Variants in GATA3 observed in about 807,000 individuals in gnomAD.
GATA3 encodes the protein trans-acting T-cell-specific transcription factor GATA-3.
GATA3 carries 6 observed loss-of-function variants against 36.0 expected under a neutral mutation model. The ratio of observed to expected loss-of-function variants is 0.17; its 90% CI spans 0.09 to 0.33. GATA3 has a LOEUF of 0.33. Among genes scored for constraint, GATA3 ranks in the 10% least tolerant of loss-of-function variants. The pLI is 1.00. For missense variants in GATA3, 514 were observed against 610.1 expected (o/e 0.84, Z 1.66); for synonymous variants, 326 against 273.0 (o/e 1.19, Z -1.92).
At chr10:8,059,719 A>AG (rs1832716742) in intron 3 of GATA3, among the ~76,000 whole-genome samples, 1 of 152,268 alleles carries the variant, frequency 6.6e-6, no homozygotes, top group African/African-American at 2.4e-5. Flanking sequence ...ACTTGCATGA[A>AG]GAAAAACCCC....
At chr10:8,052,719 T>A (rs1273228728), upstream of GATA3, 1 of 152,056 alleles carries the variant, frequency 6.6e-6, no homozygotes, top group African/African-American at 2.4e-5. Flanking sequence ...AGGTTTCCGG[T>A]GAATGTTAGA....
chr10:8,054,112 C>G (rs1272339013), upstream of GATA3, among the ~76,000 whole-genome samples: 2 of 152,130 alleles, frequency 1.3e-5, no homozygotes, highest in Non-Finnish European at 2.9e-5. This position sits in a 1 kb window ranked among gnomAD's most constrained non-coding sequence, Gnocchi z 4.2. Context: ...GATGACTCAC[C>G]CTCTTAGGAA....
At position 8,055,742 on chromosome 10, in the gene GATA3, G is replaced by C; in HGVS notation, c.87G>C (p.Pro29=). 7 of 1,577,478 alleles carry C rather than the reference G, an allele frequency of 4.4e-6. No homozygotes were observed. The highest frequency in any genetic ancestry group is 6.0e-6 in the Non-Finnish European group (7 of 1,161,778). Residue 29 remains proline (P), a synonymous_variant, in exon 2 of 6, where the codon CCG becomes CCC. Transcript: ENST00000379328. The surrounding 1 kb of genome is among the most constrained non-coding windows in gnomAD (Gnocchi z 5.4). ...GGCAGCACCCGGACACGCACCACCCGGGCCTCAGCCACTCCTACATGGACG... is the reference window on the plus strand; with the variant it reads ...GGCAGCACCCGGACACGCACCACCCCGGCCTCAGCCACTCCTACATGGACG... ...LNGQHPDTHH[P]GLSHSYMDAA...
rs1290939311 is a variant in GATA3, at chr10:8,074,784, AT to A, written c.*764del. 5 of 233,626 alleles carry A rather than the reference AT, an allele frequency of 2.1e-5. No individual in the cohort carries two copies. Among genetic ancestry groups the A allele is most frequent in the Non-Finnish European group, 4.2e-5 (5 of 118,074 alleles). 14.5% of individuals were successfully genotyped at this position (233,626 alleles called of 1,614,324 possible). On this transcript the variant is annotated 3_prime_UTR_variant, in exon 6 of 6. Transcript: ENST00000379328. ...TTATACAGACCGAACTGTTGTATAAATTTATTTACTGCTAGTCTTAAGAACT... is the reference window on the plus strand; with the variant it reads ...TTATACAGACCGAACTGTTGTATAAATTATTTACTGCTAGTCTTAAGAACT...
upstream of GATA3, among the ~76,000 whole-genome samples, chr10:8,049,917 C>T (rs1832441883): frequency 6.6e-6 from 1 of 152,176 alleles, no homozygotes; most frequent in South Asian, 2.1e-4. Flanking sequence ...CCTCCGGCTT[C>T]TCTCCTTTGA....
At chr10:8,047,911 AT>A (rs199838253) in intron 1 of GATA3, among the ~76,000 whole-genome samples, 10 of 150,264 alleles carry the variant, frequency 6.7e-5, no homozygotes, top group African/African-American at 2.0e-4. Context: ...ACAAACATGG[AT>A]TTTTTTTTTC....
upstream of GATA3, chr10:8,051,010 C>G (rs759983579): frequency 1.2e-5 from 6 of 513,406 alleles, no homozygotes; most frequent in Non-Finnish European, 2.0e-5. Context: ...GGCCCGGCCG[C>G]GAGCATCTCC....
At chr10:8,049,024 C>T (rs1444176992), upstream of GATA3, among the ~76,000 whole-genome samples, 5 of 152,032 alleles carry the variant, frequency 3.3e-5, no homozygotes, top group East Asian at 7.7e-4. Context: ...GCTCGCGGCT[C>T]TCCTGGCCTG....
intron 4 of GATA3, 41 bp from the exon 5 acceptor site, chr10:8,069,432 A>G (rs1832895705): frequency 2.5e-6 from 4 of 1,590,062 alleles, no homozygotes; most frequent in East Asian, 2.2e-5. Context: ...CACATTTAAC[A>G]TTTGTTTTGA....
chr10:8,046,322 A>T (rs72782797), intron 1 of GATA3, among the ~76,000 whole-genome samples: 9,125 of 152,276 alleles, frequency 0.06, 318 homozygotes, highest in Non-Finnish European at 0.073. Flanking sequence ...CTCGGACACC[A>T]ACAGGGTGCC....
chr10:8,051,824 G>C (rs1050090744), upstream of GATA3, among the ~76,000 whole-genome samples: 1 of 150,150 alleles, frequency 6.7e-6, no homozygotes, highest in Non-Finnish European at 1.5e-5. Flanking sequence ...GGGTCAGGCC[G>C]GCGCCTGGCC....
rs1222391446 is a variant in GATA3, at chr10:8,074,780, A to C, written c.*757A>C. The C allele has an allele frequency of 1.7e-5, 4 of 233,650 alleles. No individual in the cohort carries two copies. Among genetic ancestry groups the C allele is most frequent in the Non-Finnish European group, 3.4e-5 (4 of 118,076 alleles). The allele number at this position is 233,650 out of a possible 1,614,324, so 14.5% of individuals were successfully genotyped here. ...CATATTATACAGACCGAACTGTTGTATAAATTTATTTACTGCTAGTCTTAA... is the reference window on the plus strand; with the variant it reads ...CATATTATACAGACCGAACTGTTGTCTAAATTTATTTACTGCTAGTCTTAA... On this transcript the variant is annotated 3_prime_UTR_variant, in exon 6 of 6. Coordinates refer to ENST00000379328, the MANE Select transcript of GATA3 (RefSeq NM_001002295.2).
chr10:8,063,969 G>T (rs974546583), intron 3 of GATA3, 24 bp from the exon 4 acceptor site: 9 of 1,614,164 alleles, frequency 5.6e-6, no homozygotes, highest in Non-Finnish European at 5.1e-6. Flanking sequence ...TCCCTAAGTG[G>T]CTTATCTGTG....
At chr10:8,060,905 T>C (rs1832736692) in intron 3 of GATA3, among the ~76,000 whole-genome samples, 3 of 152,054 alleles carry the variant, frequency 2.0e-5, no homozygotes, top group African/African-American at 7.2e-5. Flanking sequence ...TTAATTCCTT[T>C]CTCACAGTCG....
chr10:8,061,822 G>C (rs1381350249), intron 3 of GATA3, among the ~76,000 whole-genome samples: 1 of 152,176 alleles, frequency 6.6e-6, no homozygotes, highest in Non-Finnish European at 1.5e-5. Context: ...CCCAGCACCA[G>C]GGTGCCCAGG....
At chr10:8,056,482 T>C (rs1588375815) in intron 2 of GATA3, among the ~76,000 whole-genome samples, 1 of 152,168 alleles carries the variant, frequency 6.6e-6, no homozygotes, top group African/African-American at 2.4e-5. Flanking sequence ...GTGCCTTTGG[T>C]TTTTAGACAG....
At chr10:8,060,836 G>GT (rs1041272998) in intron 3 of GATA3, among the ~76,000 whole-genome samples, 23 of 152,184 alleles carry the variant, frequency 1.5e-4, no homozygotes, top group Admixed American at 5.9e-4. Flanking sequence ...ACCGATTTTG[G>GT]TTTTTTTGGC....
At chr10:8,050,385 G>C (rs1478440311), upstream of GATA3, 1 of 152,296 alleles carries the variant, frequency 6.6e-6, no homozygotes, top group Non-Finnish European at 1.5e-5. Context: ...CGGCTGGTGC[G>C]GGGTACTGGC....
chr10:8,065,252 CTTTTTTTT>C (rs34193161), intron 4 of GATA3, among the ~76,000 whole-genome samples: 2 of 92,094 alleles, frequency 2.2e-5, no homozygotes, highest in Non-Finnish European at 4.0e-5. Flanking sequence ...GAAAAACTTT[CTTTTTTTT>C]TTTTTTTTTT....
Sources: gnomAD v4.1 joint callset for allele counts (sites outside exome capture counted in the v4.1 genomes callset) on GRCh38, gnomAD v4.1.1 for gene constraint, Gnocchi (gnomAD v3.1) non-coding constraint, MANE v1.5 for transcripts, NCBI Gene and HGNC (gene_info 2026-07-23, HGNC 2026-07-21) for gene names.